The following SNCAIP variants were observed in gnomAD, a reference collection of about 807,000 sequenced individuals.
SNCAIP encodes the protein synphilin-1.
A neutral mutation model predicts 86.7 loss-of-function variants in SNCAIP; 43 were observed. The ratio of observed to expected loss-of-function variants is 0.50; its 90% CI spans 0.39 to 0.64. The LOEUF is 0.64. SNCAIP is among the 30% of genes least tolerant of loss of function. The pLI is 0.00. For synonymous variants in SNCAIP, 417 were observed against 427.2 expected (o/e 0.98, Z 0.29); for missense variants, 981 against 1,103.1 (o/e 0.89, Z 1.57).
At chr5:122,426,480 AT>A (rs1256384916) in intron 5 of SNCAIP, among the ~76,000 whole-genome samples, 1 of 152,132 alleles carries the variant, frequency 6.6e-6, no homozygotes. Context: ...CGCAAACCTG[AT>A]TTTTTTGTAT....
intron 2 of SNCAIP, among the ~76,000 whole-genome samples, chr5:122,403,098 T>G (rs1262752193): frequency 1.3e-5 from 2 of 152,208 alleles, no homozygotes; most frequent in Non-Finnish European, 2.9e-5. Flanking sequence ...TATGCCCCCT[T>G]GTATCATAAT....
chr5:122,351,268 C>G (rs545342433), intron 1 of SNCAIP, among the ~76,000 whole-genome samples: 1 of 151,940 alleles, frequency 6.6e-6, no homozygotes, highest in Non-Finnish European at 1.5e-5. Flanking sequence ...CAGGCGCGGT[C>G]GCTCACATCT....
chr5:122,443,838 G>C (rs1781671507), intron 7 of SNCAIP, among the ~76,000 whole-genome samples: 1 of 152,166 alleles, frequency 6.6e-6, no homozygotes, highest in African/African-American at 2.4e-5. Context: ...GCCATGGTTG[G>C]GGTCTTCAGA....
At chr5:122,329,783 T>C (rs190768101) in intron 1 of SNCAIP, among the ~76,000 whole-genome samples, 170 of 152,300 alleles carry the variant, frequency 1.1e-3, no homozygotes, top group African/African-American at 3.9e-3. Context: ...TTAAGTTAGA[T>C]TCAAAAGCAG....
chr5:122,376,026 A>C (rs1043737131), intron 1 of SNCAIP, among the ~76,000 whole-genome samples: 2 of 152,244 alleles, frequency 1.3e-5, no homozygotes, highest in African/African-American at 4.8e-5. Flanking sequence ...TCACGTGGGA[A>C]CTTATGACAA....
At chr5:122,311,880 C>T, upstream of SNCAIP, 1 of 152,204 alleles carries the variant, frequency 6.6e-6, no homozygotes, top group Non-Finnish European at 1.5e-5. Context: ...GAGCCGGGGG[C>T]GCCGCGGGGA....
At chr5:122,314,965 A>T (rs1751401147) in intron 1 of SNCAIP, among the ~76,000 whole-genome samples, 1 of 152,270 alleles carries the variant, frequency 6.6e-6, no homozygotes, top group South Asian at 2.1e-4. Context: ...GATACTAAAC[A>T]TCGAAGAACA....
intron 6 of SNCAIP, chr5:122,440,316 G>C: frequency 2.6e-6 from 1 of 379,114 alleles, no homozygotes; most frequent in Non-Finnish European, 5.0e-6. Flanking sequence ...CTTTGGATCT[G>C]TCTAGCTGTG....
At chr5:122,354,126 A>G (rs1280254045) in intron 1 of SNCAIP, among the ~76,000 whole-genome samples, 1 of 152,192 alleles carries the variant, frequency 6.6e-6, no homozygotes, top group Non-Finnish European at 1.5e-5. Context: ...TTAGAATTCA[A>G]GTCTTCCAGC....
At chr5:122,340,234 T>G (rs1757292671) in intron 1 of SNCAIP, among the ~76,000 whole-genome samples, 1 of 152,174 alleles carries the variant, frequency 6.6e-6, no homozygotes, top group Non-Finnish European at 1.5e-5. Flanking sequence ...ACATGGGAAT[T>G]CTGCTGTGCT....
intron 1 of SNCAIP, among the ~76,000 whole-genome samples, chr5:122,348,328 G>A (rs1390025333): frequency 6.6e-6 from 1 of 152,092 alleles, no homozygotes; most frequent in East Asian, 1.9e-4. Context: ...TTATGGTATA[G>A]GCAATTTATA....
At chr5:122,426,840 C>T (rs77364883) in intron 5 of SNCAIP, among the ~76,000 whole-genome samples, 77 of 152,218 alleles carry the variant, frequency 5.1e-4, no homozygotes, top group African/African-American at 1.8e-3. Flanking sequence ...TATAGTTGAG[C>T]TTAACAAAGT....
chr5:122,407,002 CTCT>C (rs1291554527), intron 3 of SNCAIP, among the ~76,000 whole-genome samples: 2 of 152,150 alleles, frequency 1.3e-5, no homozygotes, highest in Admixed American at 1.3e-4. Context: ...CTCATTTACT[CTCT>C]TATTTATTTA....
upstream of SNCAIP, chr5:122,311,932 G>A (rs1437293597): frequency 2.0e-5 from 3 of 150,648 alleles, no homozygotes; most frequent in Admixed American, 2.0e-4. Flanking sequence ...GCTGGCCTGG[G>A]GGCGGCCGCA....
intron 1 of SNCAIP, among the ~76,000 whole-genome samples, chr5:122,358,335 C>T (rs992850077): frequency 6.8e-6 from 1 of 146,384 alleles, no homozygotes; most frequent in African/African-American, 2.5e-5. Flanking sequence ...AGGTGTATCT[C>T]CTAATGCTAT....
Position 122,435,660 on chromosome 5 carries a change from AT to A in SNCAIP, c.1296+3585del, listed in dbSNP as rs537003293. On this transcript the variant is annotated intron_variant, in intron 6 of 10. Transcript: ENST00000261368. ...AGTTTAAATATTTGCCCTAATACAG[AT>A]TTTTTTAAGGGCACTTTTTGAAAAA... is the stretch of plus-strand genomic sequence containing the variant. 4.7e-3 allele frequency among the ~76,000 whole-genome samples: 715 copies of A among 152,182 alleles called. 7 individuals carry two copies. Among genetic ancestry groups the A allele is most frequent in the African/African-American group, 0.016 (684 of 41,512 alleles).
chr5:122,368,670 C>T (rs763042455), intron 1 of SNCAIP, among the ~76,000 whole-genome samples: 1 of 152,204 alleles, frequency 6.6e-6, no homozygotes, highest in Non-Finnish European at 1.5e-5. Context: ...TCCTTTCTCC[C>T]ATCAGAGTGG....
intron 1 of SNCAIP, among the ~76,000 whole-genome samples, chr5:122,380,711 A>G (rs1473068172): frequency 2.0e-5 from 3 of 149,518 alleles, no homozygotes; most frequent in Non-Finnish European, 4.4e-5. Context: ...CACTGCTTTG[A>G]ATGCGTCCCA....
intron 8 of SNCAIP, among the ~76,000 whole-genome samples, chr5:122,448,558 T>G (rs1038742790): frequency 1.4e-5 from 2 of 143,792 alleles, no homozygotes; most frequent in Admixed American, 1.4e-4. Flanking sequence ...CCATATTTTT[T>G]ATATATATAT....
Sources: allele counts gnomAD v4.1 joint callset (sites outside exome capture counted in the v4.1 genomes callset), GRCh38; gene constraint gnomAD v4.1.1; transcripts MANE v1.5; gene names NCBI Gene and HGNC (gene_info 2026-07-23, HGNC 2026-07-21).